Variants in GRM7 observed in about 807,000 individuals in gnomAD.
The protein encoded by GRM7 is metabotropic glutamate receptor 7.
In GRM7, 35 loss-of-function variants were observed where a neutral mutation model predicts 84.5. That is an observed-to-expected ratio of 0.41 (90% CI 0.32 to 0.55). GRM7 has a LOEUF of 0.55. Among genes scored for constraint, GRM7 ranks in the 20% least tolerant of loss-of-function variants. The pLI is 0.19. For missense variants in GRM7, 1,003 were observed against 1,194.6 expected, an observed-to-expected ratio of 0.84 and a Z score of 2.36; for synonymous variants, 487 against 455.1, an observed-to-expected ratio of 1.07 and a Z score of -0.89.
intron 1 of GRM7, chr3:6,956,451 A>G: frequency 2.4e-6 from 1 of 421,428 alleles, no homozygotes; most frequent in African/African-American, 2.1e-5. Context: ...GACTTTGGGC[A>G]AACGCCGGCA....
chr3:7,138,361 A>G lies in GRM7; in HGVS notation c.520-8091A>G, dbSNP rs534886080. ...AAGCTATAGATGTGGTAGATCTTCT[A>G]TAGATAAAGTAGATCAGAAGAAAAT... On this transcript the variant is annotated intron_variant, in intron 1 of 9. Transcript: ENST00000357716. Among the ~76,000 whole-genome samples, 248 of 152,130 alleles carry G rather than the reference A, an allele frequency of 1.6e-3. 1 individual carries two copies. The highest frequency in any genetic ancestry group is 2.9e-3 in the Non-Finnish European group (198 of 67,920).
chr3:7,272,052 C>T (rs1698884687), intron 2 of GRM7, among the ~76,000 whole-genome samples: 1 of 152,130 alleles, frequency 6.6e-6, no homozygotes, highest in Non-Finnish European at 1.5e-5. Context: ...GAAAAAAAAT[C>T]CATTTCTGCG....
intron 1 of GRM7, among the ~76,000 whole-genome samples, chr3:7,114,242 C>G (rs1239003891): frequency 6.6e-6 from 1 of 152,152 alleles, no homozygotes; most frequent in Non-Finnish European, 1.5e-5. Context: ...TGTCAGGCTA[C>G]TTAACATTGT....
At chr3:7,522,661 C>T (rs1490792915) in intron 7 of GRM7, among the ~76,000 whole-genome samples, 3 of 152,286 alleles carry the variant, frequency 2.0e-5, no homozygotes, top group Middle Eastern at 3.4e-3. Flanking sequence ...TTCATTTCTC[C>T]AGATTTGTAG....
intron 4 of GRM7, among the ~76,000 whole-genome samples, chr3:7,321,139 G>A (rs1056201381): frequency 1.3e-5 from 2 of 151,912 alleles, no homozygotes; most frequent in African/African-American, 4.8e-5. Context: ...TGGATAAAAG[G>A]CAGTGGAAAA....
intron 8 of GRM7, among the ~76,000 whole-genome samples, chr3:7,587,923 A>G (rs1695593084): frequency 6.6e-6 from 1 of 152,032 alleles, no homozygotes. Context: ...CCCTTATACC[A>G]AAGAACGTTA....
At chr3:7,279,666 C>A (rs1399239750) in intron 2 of GRM7, among the ~76,000 whole-genome samples, 2 of 152,166 alleles carry the variant, frequency 1.3e-5, no homozygotes, top group African/African-American at 4.8e-5. Context: ...TGGTGAGGAG[C>A]TACCTGAGAC....
intron 1 of GRM7, among the ~76,000 whole-genome samples, chr3:6,973,467 G>A (rs1362532986): frequency 6.6e-6 from 1 of 152,046 alleles, no homozygotes; most frequent in African/African-American, 2.4e-5. Flanking sequence ...GTATATATGT[G>A]TACACATATA....
At chr3:7,102,405 T>C (rs1261074353) in intron 1 of GRM7, among the ~76,000 whole-genome samples, 1 of 151,750 alleles carries the variant, frequency 6.6e-6, no homozygotes, top group African/African-American at 2.4e-5. Flanking sequence ...TGCAAATCAT[T>C]GTTCATTGGT....
intron 4 of GRM7, among the ~76,000 whole-genome samples, chr3:7,360,907 G>A (rs973024995): frequency 7.2e-5 from 11 of 151,954 alleles, no homozygotes; most frequent in Middle Eastern, 3.4e-3. Flanking sequence ...GTTTTGAAAG[G>A]TCAGGTTTTC....
At chr3:7,240,312 G>A (rs1348311725) in intron 2 of GRM7, among the ~76,000 whole-genome samples, 3 of 150,418 alleles carry the variant, frequency 2.0e-5, no homozygotes, top group Non-Finnish European at 4.4e-5. Context: ...GATAGTGAGG[G>A]GCCAAAGGAC....
At chr3:7,573,709 G>A (rs924145841) in intron 7 of GRM7, among the ~76,000 whole-genome samples, 18 of 152,136 alleles carry the variant, frequency 1.2e-4, no homozygotes, top group African/African-American at 4.3e-4. Flanking sequence ...CTCTGTTTCT[G>A]TCTGAGTCAG....
At chr3:7,362,887 C>T (rs1575221568) in intron 4 of GRM7, among the ~76,000 whole-genome samples, 1 of 151,946 alleles carries the variant, frequency 6.6e-6, no homozygotes, top group African/African-American at 2.4e-5. Context: ...CAGCAATTTG[C>T]GAGGCCAGGG....
At chr3:7,382,914 G>T (rs1355263506) in intron 4 of GRM7, among the ~76,000 whole-genome samples, 3 of 152,158 alleles carry the variant, frequency 2.0e-5, no homozygotes, top group Non-Finnish European at 2.9e-5. Flanking sequence ...CACATACTTT[G>T]CTTAATACAC....
chr3:7,030,100 C>A (rs1382805970), intron 1 of GRM7, among the ~76,000 whole-genome samples: 1 of 151,896 alleles, frequency 6.6e-6, no homozygotes, highest in African/African-American at 2.4e-5. Flanking sequence ...ATAAAATATA[C>A]CCAGCAATGA....
intron 9 of GRM7, among the ~76,000 whole-genome samples, chr3:7,714,692 G>A (rs951440461): frequency 6.6e-6 from 1 of 152,094 alleles, no homozygotes; most frequent in Non-Finnish European, 1.5e-5. Context: ...CAGCAGCCTG[G>A]TTGTACCAGC....
At chr3:7,028,780 A>G (rs1696073855) in intron 1 of GRM7, among the ~76,000 whole-genome samples, 1 of 152,228 alleles carries the variant, frequency 6.6e-6, no homozygotes, top group Non-Finnish European at 1.5e-5. Flanking sequence ...TAGAATTGCT[A>G]AAATAAAAAA....
chr3:7,524,569 C>T lies in GRM7; in HGVS notation c.1516-53853C>T, dbSNP rs1314313921. On this transcript the variant is annotated intron_variant, in intron 7 of 9. Transcript: ENST00000357716. ...GCAAATCAAAACCACAATGAGATAC[C>T]ATCTCACACCAGTTAGAATGGCAAT... 1.2e-4 allele frequency among the ~76,000 whole-genome samples: 11 copies of T among 88,200 alleles called. 1 individual carries two copies. The highest frequency in any genetic ancestry group is 8.6e-4 in the Admixed American group (8 of 9,278). 57.9% of individuals were successfully genotyped at this position (88,200 alleles called of 152,430 possible).
chr3:7,341,586 T>G (rs1469875905), intron 4 of GRM7, among the ~76,000 whole-genome samples: 1 of 152,088 alleles, frequency 6.6e-6, no homozygotes, highest in Non-Finnish European at 1.5e-5. Context: ...TTGTAAGCAG[T>G]GCACTCTGCA....
Sources: gnomAD v4.1 joint callset for allele counts (sites outside exome capture counted in the v4.1 genomes callset) on GRCh38, gnomAD v4.1.1 for gene constraint, MANE v1.5 for transcripts, NCBI Gene and HGNC (gene_info 2026-07-23, HGNC 2026-07-21) for gene names.